The following SAMD4A variants were observed in gnomAD, a reference collection of about 807,000 sequenced individuals.
The protein encoded by SAMD4A is protein Smaug homolog 1.
A neutral mutation model predicts 81.3 loss-of-function variants in SAMD4A; 33 were observed. The ratio of observed to expected loss-of-function variants is 0.41; its 90% CI spans 0.31 to 0.54. SAMD4A has a LOEUF of 0.54. SAMD4A is among the 20% of genes least tolerant of loss of function. SAMD4A has a pLI of 0.37. For synonymous variants in SAMD4A, 389 were observed against 382.1 expected, an observed-to-expected ratio of 1.02 and a Z score of -0.21; for missense variants, 854 against 951.1, an observed-to-expected ratio of 0.90 and a Z score of 1.34.
intron 8 of SAMD4A, among the ~76,000 whole-genome samples, chr14:54,766,876 C>T (rs4898851): frequency 0.28 from 42,050 of 151,972 alleles, 6,114 homozygotes; most frequent in Admixed American, 0.35. Flanking sequence ...CCCCGAAACT[C>T]TGGCCTGACG....
intron 4 of SAMD4A, among the ~76,000 whole-genome samples, chr14:54,744,108 C>T (rs1314398597): frequency 6.6e-6 from 1 of 152,156 alleles, no homozygotes; most frequent in African/African-American, 2.4e-5. Flanking sequence ...CTTCCATCTG[C>T]AGTTACCAGG....
rs753555977 is a variant in SAMD4A at position 54,719,061 on chromosome 14, G to A, written c.715+16481G>A. Among the ~76,000 whole-genome samples, 6 of 151,786 alleles carry A rather than the reference G, an allele frequency of 4.0e-5. No homozygotes were observed. The South Asian group carries it at 6.2e-4, about 16-fold the overall frequency. On this transcript the variant is annotated intron_variant, in intron 3 of 12. Transcript: ENST00000554335. ...TTGGGAAAGAAGGGTTCAAAGGAAC[G>A]CCTTTCCCCATTCCCCTTCCTTCTT...
At chr14:54,679,055 T>C (rs80239199) in intron 2 of SAMD4A, among the ~76,000 whole-genome samples, 5,628 of 152,314 alleles carry the variant, frequency 0.037, 352 homozygotes, top group African/African-American at 0.13. Flanking sequence ...TGAACACTTA[T>C]GTTTTATTGA....
chr14:54,703,785 C>T (rs2036781129), intron 3 of SAMD4A: 1 of 152,144 alleles, frequency 6.6e-6, no homozygotes, highest in Non-Finnish European at 1.5e-5. Flanking sequence ...TAAGGAATCA[C>T]TTGAACCCAA....
intron 3 of SAMD4A, among the ~76,000 whole-genome samples, chr14:54,727,436 G>T (rs902404444): frequency 1.3e-5 from 2 of 151,908 alleles, no homozygotes; most frequent in African/African-American, 4.8e-5. Context: ...TGATCCACCC[G>T]CCTCGGCCTC....
At chr14:54,681,002 G>A (rs553167348) in intron 2 of SAMD4A, among the ~76,000 whole-genome samples, 2 of 152,268 alleles carry the variant, frequency 1.3e-5, no homozygotes, top group African/African-American at 4.8e-5. Context: ...AATTTCTAAT[G>A]TCCGTCAAGG....
intron 2 of SAMD4A, among the ~76,000 whole-genome samples, chr14:54,629,019 A>T (rs2034831710): frequency 6.6e-6 from 1 of 152,158 alleles, no homozygotes; most frequent in East Asian, 1.9e-4. Flanking sequence ...CTTCTTTGGA[A>T]ATAGGGTCTT....
intron 6 of SAMD4A, among the ~76,000 whole-genome samples, chr14:54,753,895 A>G (rs2038173526): frequency 6.6e-6 from 1 of 152,212 alleles, no homozygotes; most frequent in African/African-American, 2.4e-5. Flanking sequence ...GACTATTGCC[A>G]TTTTTAAATT....
At chr14:54,775,260 C>G in intron 10 of SAMD4A, 125 bp downstream of exon 10, 2 of 1,012,646 alleles carry the variant, frequency 2.0e-6, no homozygotes, top group Non-Finnish European at 3.0e-6. Flanking sequence ...GCAGTTGCCA[C>G]CATTCCTCAG....
In SAMD4A at chr14:54,760,232, G is replaced by A. The variant is rs373276867; in HGVS notation, c.1248G>A (p.Lys416=). 3.1e-6 allele frequency: 5 copies of A among 1,613,272 alleles called. No homozygotes were observed. Among genetic ancestry groups the A allele is most frequent in the African/African-American group, 2.7e-5 (2 of 74,910 alleles). Residue 416 remains lysine, a synonymous_variant, in exon 7 of 13, where the codon AAG becomes AAA. Transcript: ENST00000554335. ...ELHQMILTPI[K]AYSSPSTTPE... The stretch of plus-strand genomic sequence containing the variant: ...ACCAGATGATCCTGACTCCGATCAA[G>A]GCCTACAGCTCCCCGAGCACCACCC...
At chr14:54,690,006 T>C (rs2036390989) in intron 2 of SAMD4A, 1 of 152,238 alleles carries the variant, frequency 6.6e-6, no homozygotes, top group Non-Finnish European at 1.5e-5. Context: ...GGAACAGATG[T>C]GCCATGTCAT....
intron 2 of SAMD4A, among the ~76,000 whole-genome samples, chr14:54,648,387 G>T (rs923967471): frequency 2.0e-5 from 3 of 152,200 alleles, no homozygotes; most frequent in South Asian, 2.1e-4. Flanking sequence ...AAGGTTGGCA[G>T]CTACTTCAAG....
At chr14:54,652,364 C>T (rs986125233) in intron 2 of SAMD4A, among the ~76,000 whole-genome samples, 10 of 152,196 alleles carry the variant, frequency 6.6e-5, no homozygotes, top group African/African-American at 1.9e-4. Flanking sequence ...TGAAGTAGTA[C>T]GGAAACTCCA....
chr14:54,641,135 C>G (rs1437049053), intron 2 of SAMD4A, among the ~76,000 whole-genome samples: 1 of 152,198 alleles, frequency 6.6e-6, no homozygotes, highest in African/African-American at 2.4e-5. Context: ...CTTGAACTCT[C>G]TAGGCTTTAA....
chr14:54,630,908 ATGTGTGTGTGTGTG>A lies in SAMD4A; in HGVS notation c.196+62831_196+62844del, dbSNP rs5808786. ...ACATATAATAAATCTTGTATTTTAT[ATGTGTGTGTGTGTG>A]TGTGTGTGTGTGTGTGTGTGTGTGT... On this transcript the variant is annotated intron_variant, in intron 2 of 12. Transcript: ENST00000554335. Among the ~76,000 whole-genome samples the A allele has an allele frequency of 3.6e-3, 519 of 144,372 alleles. 4 individuals are homozygous for A. The highest frequency in any genetic ancestry group is 0.011 in the African/African-American group (436 of 38,424). 94.7% of individuals were successfully genotyped at this position (144,372 alleles called of 152,430 possible).
intron 2 of SAMD4A, chr14:54,652,687 T>C (rs956949804): frequency 4.6e-5 from 7 of 152,166 alleles, no homozygotes; most frequent in Non-Finnish European, 8.8e-5. Context: ...TGCAGTTTTT[T>C]CCTTTCGTAT....
chr14:54,586,814 T>C (rs1449029114), intron 2 of SAMD4A, among the ~76,000 whole-genome samples: 1 of 152,208 alleles, frequency 6.6e-6, no homozygotes, highest in Non-Finnish European at 1.5e-5. Context: ...ACCATGCTGT[T>C]TTTGTGACTA....
rs150469456 is a variant in SAMD4A at position 54,672,256 on chromosome 14, T to A, written c.197-29806T>A. ...TTTGTGTTTTTTTCCCTCTTTTAAA[T>A]TTTTTCGAGCCTTGGGATGCCTGTC... On this transcript the variant is annotated intron_variant, in intron 2 of 12. Coordinates refer to ENST00000554335, the MANE Select transcript of SAMD4A (RefSeq NM_015589.6). Among the ~76,000 whole-genome samples, 850 of 152,012 alleles carry A rather than the reference T, an allele frequency of 5.6e-3. 10 individuals carry two copies. Among genetic ancestry groups the A allele is most frequent in the African/African-American group, 0.02 (819 of 41,488 alleles).
intron 4 of SAMD4A, 108 bp downstream of exon 4, chr14:54,737,395 C>A: frequency 7.6e-7 from 1 of 1,312,596 alleles, no homozygotes; most frequent in Non-Finnish European, 1.1e-6. Flanking sequence ...CCCACCCCTT[C>A]CCCAGGCTTA....
Sources: gnomAD v4.1 joint callset for allele counts (sites outside exome capture counted in the v4.1 genomes callset) on GRCh38, gnomAD v4.1.1 for gene constraint, MANE v1.5 for transcripts, NCBI Gene and HGNC (gene_info 2026-07-23, HGNC 2026-07-21) for gene names.